CACNA2D3: variants seen among roughly 807,000 people sequenced by gnomAD.
CACNA2D3 encodes calcium voltage-gated channel auxiliary subunit alpha2delta 3.
In CACNA2D3, 60 loss-of-function variants were observed where a neutral mutation model predicts 160.6. The observed-to-expected ratio is 0.37, with a 90% CI of 0.30 to 0.46. The LOEUF (loss-of-function observed/expected upper bound fraction) is 0.46, where lower values mean the gene tolerates loss of function less well. Among genes scored for constraint, CACNA2D3 ranks in the 20% least tolerant of loss-of-function variants. The pLI is 1.00. For synonymous variants in CACNA2D3, 558 were observed against 492.9 expected (o/e 1.13, Z -1.75); for missense variants, 1,205 against 1,365.0 (o/e 0.88, Z 1.85).
intron 11 of CACNA2D3, among the ~76,000 whole-genome samples, chr3:54,695,870 T>A (rs951906999): frequency 6.6e-6 from 1 of 152,242 alleles, no homozygotes; most frequent in African/African-American, 2.4e-5. Context: ...CTTCTGATTT[T>A]TATGGTGGTT....
chr3:54,717,456 G>A (rs1701071114), intron 11 of CACNA2D3, among the ~76,000 whole-genome samples: 1 of 152,098 alleles, frequency 6.6e-6, no homozygotes, highest in Non-Finnish European at 1.5e-5. Flanking sequence ...CTTTGCCAAC[G>A]TTTGCAATCC....
chr3:54,166,250 G>C (rs1324966709), intron 2 of CACNA2D3, among the ~76,000 whole-genome samples: 1 of 152,158 alleles, frequency 6.6e-6, no homozygotes, highest in East Asian at 1.9e-4. Flanking sequence ...ATACTCTGTG[G>C]TCCTGAGGAC....
intron 27 of CACNA2D3, among the ~76,000 whole-genome samples, chr3:54,958,668 C>T (rs1701961526): frequency 6.6e-6 from 1 of 152,112 alleles, no homozygotes; most frequent in South Asian, 2.1e-4. Flanking sequence ...TGGCCTTGGT[C>T]CCAGTCCTAA....
chr3:54,542,928 A>T (rs1454483646), intron 5 of CACNA2D3, among the ~76,000 whole-genome samples: 1 of 152,240 alleles, frequency 6.6e-6, no homozygotes. Context: ...GAAAAAGACA[A>T]GAGAGAATGA....
intron 11 of CACNA2D3, among the ~76,000 whole-genome samples, chr3:54,741,614 G>T (rs971113624): frequency 6.8e-6 from 1 of 146,126 alleles, no homozygotes; most frequent in Non-Finnish European, 1.5e-5. Context: ...AAAAAAAAAA[G>T]ACTGTTATTT....
chr3:54,509,638 T>C (rs1261363845), intron 5 of CACNA2D3, among the ~76,000 whole-genome samples: 1 of 152,256 alleles, frequency 6.6e-6, no homozygotes, highest in South Asian at 2.1e-4. Context: ...CCAGGAAACT[T>C]TCCCAAGATG....
intron 3 of CACNA2D3, among the ~76,000 whole-genome samples, chr3:54,356,796 A>G (rs1223349315): frequency 2.0e-5 from 3 of 152,204 alleles, no homozygotes; most frequent in Non-Finnish European, 4.4e-5. Flanking sequence ...GCATTCCTCC[A>G]TCATCAGTGT....
At chr3:54,747,590 A>G (rs568016395) in intron 11 of CACNA2D3, among the ~76,000 whole-genome samples, 6 of 152,154 alleles carry the variant, frequency 3.9e-5, no homozygotes, top group African/African-American at 1.4e-4. Flanking sequence ...AAAAAAAGGA[A>G]AAGTGGCTTG....
chr3:54,215,833 C>T (rs1248444348), intron 2 of CACNA2D3, among the ~76,000 whole-genome samples: 1 of 152,006 alleles, frequency 6.6e-6, no homozygotes, highest in Non-Finnish European at 1.5e-5. Flanking sequence ...GAAACCTATC[C>T]CATTCAAGGG....
intron 35 of CACNA2D3, among the ~76,000 whole-genome samples, chr3:55,066,537 G>C (rs1252736747): frequency 6.6e-6 from 1 of 152,096 alleles, no homozygotes; most frequent in Non-Finnish European, 1.5e-5. Context: ...TATGAGGGAG[G>C]CATGGTGATC....
At chr3:54,617,479 A>G (rs2106797621) in intron 9 of CACNA2D3, among the ~76,000 whole-genome samples, 1 of 152,314 alleles carries the variant, frequency 6.6e-6, no homozygotes. Context: ...TGATTGGCTC[A>G]GGCCCAGACA....
At chr3:54,587,298 T>C (rs554101283) in intron 9 of CACNA2D3, among the ~76,000 whole-genome samples, 6 of 152,238 alleles carry the variant, frequency 3.9e-5, no homozygotes, top group African/African-American at 1.2e-4. Context: ...GGCTCAAGCA[T>C]GTAATCCCAG....
At chr3:54,952,536 G>A (rs1030684873) in intron 27 of CACNA2D3, among the ~76,000 whole-genome samples, 1 of 152,230 alleles carries the variant, frequency 6.6e-6, no homozygotes, top group Non-Finnish European at 1.5e-5. Context: ...ATATTAAGCA[G>A]ACGGAATGTC....
At chr3:54,422,550 T>G (rs1379837392) in intron 4 of CACNA2D3, among the ~76,000 whole-genome samples, 1 of 151,712 alleles carries the variant, frequency 6.6e-6, no homozygotes, top group Admixed American at 6.6e-5. Context: ...ATACGAAGAG[T>G]GAGTTGACAG....
intron 2 of CACNA2D3, among the ~76,000 whole-genome samples, chr3:54,307,385 C>T (rs1395854073): frequency 6.6e-6 from 1 of 152,158 alleles, no homozygotes; most frequent in African/African-American, 2.4e-5. Flanking sequence ...CTGCAATCTC[C>T]TGGAGGACCC....
chr3:55,040,887 C>T (rs1703945214), intron 35 of CACNA2D3, among the ~76,000 whole-genome samples: 1 of 152,168 alleles, frequency 6.6e-6, no homozygotes, highest in Non-Finnish European at 1.5e-5. Context: ...TTTCCCAATC[C>T]TTCATCCTAT....
intron 13 of CACNA2D3, among the ~76,000 whole-genome samples, chr3:54,774,629 A>C (rs867550602): frequency 3.8e-4 from 41 of 107,912 alleles, no homozygotes; most frequent in African/African-American, 1.3e-3. Context: ...CTCTTTGACT[A>C]TTTTTTTTTT....
chr3:55,003,921 CAG>C (rs1703034869), intron 31 of CACNA2D3, among the ~76,000 whole-genome samples: 1 of 152,148 alleles, frequency 6.6e-6, no homozygotes. Context: ...GTAAGGGAGA[CAG>C]GGAGCAAGGT....
rs143891398 is a variant in CACNA2D3 at position 54,782,232 on chromosome 3, C to T, written c.1380+17881C>T. On this transcript the variant is annotated intron_variant, in intron 13 of 37. Transcript: ENST00000474759. ...ATATATAGACTAAAATTAGCATTCACATTTGTATCAAAACATCTACTCTGA... is the reference window on the plus strand; with the variant it reads ...ATATATAGACTAAAATTAGCATTCATATTTGTATCAAAACATCTACTCTGA... 5.2e-3 allele frequency among the ~76,000 whole-genome samples: 791 copies of T among 152,284 alleles called. 8 individuals are homozygous for T. The highest frequency in any genetic ancestry group is 0.018 in the African/African-American group (761 of 41,556).
Sources: gnomAD v4.1 joint callset for allele counts (sites outside exome capture counted in the v4.1 genomes callset) on GRCh38, gnomAD v4.1.1 for gene constraint, MANE v1.5 for transcripts, NCBI Gene and HGNC (gene_info 2026-07-23, HGNC 2026-07-21) for gene names.